RAB20: variants seen among roughly 807,000 people sequenced by gnomAD.
RAB20 encodes the protein RAB20, member RAS oncogene family.
In RAB20, 2 loss-of-function variants were observed where a neutral mutation model predicts 3.7. That is an observed-to-expected ratio of 0.54 (90% CI 0.22 to 1.69). The LOEUF is 1.69. Ranked by LOEUF, RAB20 falls within the 40% of genes most tolerant of loss-of-function variation. RAB20 has a pLI of 0.19. For missense variants in RAB20, 276 were observed against 311.9 expected (o/e 0.88, Z 0.87); for synonymous variants, 126 against 130.8 (o/e 0.96, Z 0.25).
Position 110,524,071 on chromosome 13 carries a change from T to A in RAB20, c.299A>T (p.Asp100Val), listed in dbSNP as rs774307024. 6.2e-7 allele frequency: 1 copy of A among 1,613,820 alleles called. No homozygotes were observed. The highest frequency in any genetic ancestry group is 1.7e-5 in the Admixed American group (1 of 59,998). ...ELEDRFLGLT[D>V]TASKDCLFAI... ...AAAGAGGCAGTCTTTGCTGGCTGTG[T>A]CTGTCAGGCCCAGGAACCGGTCCTC... The change falls in exon 2 of 2, where the codon GAC becomes GTC. Residue 100 changes from aspartate to valine, a missense_variant. Transcript: ENST00000267328.
chr13:110,524,247 A>G, intron 1 of RAB20, 50 bp from the exon 2 acceptor site: 1 of 1,521,444 alleles, frequency 6.6e-7, no homozygotes, highest in Non-Finnish European at 8.8e-7. Context: ...ATCTCAGAAC[A>G]TAGCCACCAG....
chr13:110,559,193 C>T (rs1885091795), intron 1 of RAB20, among the ~76,000 whole-genome samples: 2 of 152,136 alleles, frequency 1.3e-5, no homozygotes, highest in South Asian at 2.1e-4. Context: ...AACATCCTGT[C>T]GCCCTCTGCA....
intron 1 of RAB20, among the ~76,000 whole-genome samples, chr13:110,536,747 A>T (rs1178419670): frequency 2.8e-3 from 124 of 44,712 alleles, no homozygotes; most frequent in East Asian, 5.4e-3. Flanking sequence ...GGTTGTTTTT[A>T]TGTTTATTTT....
Position 110,561,678 on chromosome 13 carries a change from A to C in RAB20, c.-159T>G. ...GCCTCCGGACGCCCGGGAGCTCAAG[A>C]GAGGAAGCGCGTGTGCGCGCCCGGG... On this transcript the variant is annotated 5_prime_UTR_variant, in exon 1 of 2. Transcript: ENST00000267328. The C allele has an allele frequency of 7.8e-7, 1 of 1,288,050 alleles. No homozygotes were observed. Among genetic ancestry groups the C allele is most frequent in the Non-Finnish European group, 1.0e-6 (1 of 994,838 alleles). The allele number at this position is 1,288,050 out of a possible 1,614,324, so 79.8% of individuals were successfully genotyped here.
In RAB20 at chr13:110,555,892, C is replaced by G. The variant is rs34377189; in HGVS notation, c.172+5456G>C. On this transcript the variant is annotated intron_variant, in intron 1 of 1. Coordinates refer to ENST00000267328, the MANE Select transcript of RAB20 (RefSeq NM_017817.3). This position sits in a 1 kb window ranked among gnomAD's most constrained non-coding sequence, Gnocchi z 4.0. ...AGAGACTTGTTTGCTAGGGGCCCAG[C>G]TGAGCCTCCCTCCTCCCTTTGTAAC... Among the ~76,000 whole-genome samples the G allele has an allele frequency of 6.6e-6, 1 of 152,204 alleles. No individual in the cohort carries two copies. Among genetic ancestry groups the G allele is most frequent in the African/African-American group, 2.4e-5 (1 of 41,454 alleles).
chr13:110,524,808 T>C (rs562635059), intron 1 of RAB20, among the ~76,000 whole-genome samples: 17 of 152,158 alleles, frequency 1.1e-4, no homozygotes, highest in Non-Finnish European at 1.9e-4. Context: ...CTCACGATAT[T>C]TTTAGGACAC....
At chr13:110,543,774 ATTTT>A (rs60203869) in intron 1 of RAB20, among the ~76,000 whole-genome samples, 1 of 74,376 alleles carries the variant, frequency 1.3e-5, no homozygotes. Context: ...AATGTGGGTT[ATTTT>A]TTTTTTTTTT....
chr13:110,543,345 G>A (rs1480685021), intron 1 of RAB20, among the ~76,000 whole-genome samples: 1 of 152,116 alleles, frequency 6.6e-6, no homozygotes, highest in East Asian at 1.9e-4. Context: ...TGCCCAGCCT[G>A]TTCTTGAACT....
At chr13:110,547,314 T>A (rs1884870864) in intron 1 of RAB20, among the ~76,000 whole-genome samples, 1 of 152,248 alleles carries the variant, frequency 6.6e-6, no homozygotes, top group Admixed American at 6.5e-5. Context: ...AAGCTTCCTA[T>A]GTGAATGAAG....
chr13:110,536,169 G>A (rs1000951299), intron 1 of RAB20, among the ~76,000 whole-genome samples: 2 of 152,230 alleles, frequency 1.3e-5, no homozygotes, highest in African/African-American at 4.8e-5. Context: ...CCGCAGGCAA[G>A]GACGGCCAGC....
intron 1 of RAB20, among the ~76,000 whole-genome samples, chr13:110,560,771 C>CA (rs11420800): frequency 0.14 from 21,105 of 151,662 alleles, 4,679 homozygotes; most frequent in African/African-American, 0.47. Context: ...GAAGTCACTC[C>CA]AACCCAAACC....
At chr13:110,553,203 G>C (rs572563438) in intron 1 of RAB20, among the ~76,000 whole-genome samples, 1 of 152,300 alleles carries the variant, frequency 6.6e-6, no homozygotes, top group African/African-American at 2.4e-5. Flanking sequence ...TTTGCAGGTT[G>C]ACCTTCCAGA....
At position 110,523,528 on chromosome 13, in the gene RAB20, T is replaced by C. The variant is rs1032557376; in HGVS notation, c.*137A>G. ...ACCTCCTCTTCATAGCCAGCCATCA[T>C]TTCCACTCCAACATTCTGCTGCGGG... On this transcript the variant is annotated 3_prime_UTR_variant, in exon 2 of 2. Transcript: ENST00000267328. 6.9e-7 allele frequency: 1 copy of C among 1,438,910 alleles called. No homozygotes were observed. Among genetic ancestry groups the C allele is most frequent in the Non-Finnish European group, 9.2e-7 (1 of 1,089,466 alleles). The allele number at this position is 1,438,910 out of a possible 1,614,324, so 89.1% of individuals were successfully genotyped here.
In RAB20 at chr13:110,559,568, C is replaced by G. The variant is rs149433486; in HGVS notation, c.172+1780G>C. ...CCGCCTGAGTGTGTACACAGGAAGT[C>G]AGGAATGTGGAGAAGGGGCCTGGCC... On this transcript the variant is annotated intron_variant, in intron 1 of 1. Coordinates refer to ENST00000267328, the MANE Select transcript of RAB20 (RefSeq NM_017817.3). Among the ~76,000 whole-genome samples the G allele has an allele frequency of 5.2e-3, 797 of 152,288 alleles. 5 individuals carry two copies. Among genetic ancestry groups the G allele is most frequent in the African/African-American group, 0.018 (750 of 41,564 alleles).
chr13:110,545,313 T>C (rs1884833125), intron 1 of RAB20, among the ~76,000 whole-genome samples: 1 of 152,218 alleles, frequency 6.6e-6, no homozygotes, highest in South Asian at 2.1e-4. Context: ...CCCATAAATA[T>C]ATACGCCTAC....
chr13:110,552,002 A>G (rs1884961981), intron 1 of RAB20, among the ~76,000 whole-genome samples: 1 of 151,908 alleles, frequency 6.6e-6, no homozygotes, highest in Non-Finnish European at 1.5e-5. Flanking sequence ...GCTTGAGCCC[A>G]CGAGGTCAAA....
At chr13:110,556,212 C>A (rs562710114) in intron 1 of RAB20, among the ~76,000 whole-genome samples, 30 of 152,346 alleles carry the variant, frequency 2.0e-4, no homozygotes, top group Non-Finnish European at 3.5e-4. Flanking sequence ...GCCTGCCAGT[C>A]AACCACCCTG....
chr13:110,553,145 C>T (rs866994784), intron 1 of RAB20, among the ~76,000 whole-genome samples: 39 of 152,240 alleles, frequency 2.6e-4, no homozygotes, highest in African/African-American at 8.2e-4. Context: ...GGCACCTGTT[C>T]GAAGTCCTCA....
chr13:110,536,765 CTT>C lies in RAB20; in HGVS notation c.173-12570_173-12569del, dbSNP rs71127951. Among the ~76,000 whole-genome samples the C allele has an allele frequency of 3.9e-3, 424 of 109,510 alleles. 8 individuals carry two copies. Among genetic ancestry groups the C allele is most frequent in the African/African-American group, 0.015 (405 of 27,134 alleles). 71.8% of individuals were successfully genotyped at this position (109,510 alleles called of 152,430 possible). A position where few individuals can be genotyped will look rare whatever the true frequency, so the allele number is the denominator to read the frequency against. The stretch of plus-strand genomic sequence containing the variant: ...TGTTTTTATGTTTATTTTACTTGTA[CTT>C]TTTTTTTTAATGGGAATTTTTTTTT... On this transcript the variant is annotated intron_variant, in intron 1 of 1. Transcript: ENST00000267328.
Sources: allele counts gnomAD v4.1 joint callset (sites outside exome capture counted in the v4.1 genomes callset), GRCh38; gene constraint gnomAD v4.1.1; non-coding constraint Gnocchi (gnomAD v3.1); transcripts MANE v1.5; gene names NCBI Gene and HGNC (gene_info 2026-07-23, HGNC 2026-07-21).